Variants in KLHDC2 observed in about 807,000 individuals in gnomAD.
The protein encoded by KLHDC2 is kelch domain containing 2.
A neutral mutation model predicts 62.3 loss-of-function variants in KLHDC2; 38 were observed. The ratio of observed to expected loss-of-function variants is 0.61; its 90% CI spans 0.47 to 0.80. KLHDC2 has a LOEUF of 0.80. Among genes scored for constraint, KLHDC2 ranks in the 30% least tolerant of loss-of-function variants. KLHDC2 has a pLI of 0.00. For synonymous variants in KLHDC2, 159 were observed against 161.0 expected (o/e 0.99, Z 0.09); for missense variants, 430 against 495.3 (o/e 0.87, Z 1.25).
chr14:49,775,469 T>C (rs1177123970), intron 3 of KLHDC2, among the ~76,000 whole-genome samples: 1 of 152,170 alleles, frequency 6.6e-6, no homozygotes, highest in African/African-American at 2.4e-5. Context: ...AATAACTCAG[T>C]AAGTATTGTT....
chr14:49,782,198 T>C lies in KLHDC2; in HGVS notation c.957-172T>C, dbSNP rs1207644023. On this transcript the variant is annotated intron_variant, in intron 10 of 12. Coordinates refer to ENST00000298307, the MANE Select transcript of KLHDC2 (RefSeq NM_014315.3). ...GAAAATAATATCCAGATAAAATAGATATTGATTGATCTGCTTTTGCTACTT... is the reference window on the plus strand; with the variant it reads ...GAAAATAATATCCAGATAAAATAGACATTGATTGATCTGCTTTTGCTACTT... 3 of 544,446 alleles carry C rather than the reference T, an allele frequency of 5.5e-6. No homozygotes were observed. The African/African-American group carries it at 5.8e-5, about 11-fold the overall frequency. The allele number at this position is 544,446 out of a possible 1,614,324, so 33.7% of individuals were successfully genotyped here.
At position 49,782,923 on chromosome 14, in the gene KLHDC2, G is replaced by A; in HGVS notation, c.1191G>A (p.Arg397=). 1 of 1,613,478 alleles carries A rather than the reference G, an allele frequency of 6.2e-7. No homozygotes were observed. Among genetic ancestry groups the A allele is most frequent in the Non-Finnish European group, 8.5e-7 (1 of 1,179,708 alleles). Residue 397 remains arginine (R), a synonymous_variant, in exon 13 of 13, where the codon AGG becomes AGA. Transcript: ENST00000298307. ...ACTTACTTCACAGTGTTAATCAGAGGTTTGGTAGTAACAACACTTCTGGAT... is the reference window on the plus strand; with the variant it reads ...ACTTACTTCACAGTGTTAATCAGAGATTTGGTAGTAACAACACTTCTGGAT... The part of the protein sequence containing the change: ...PKHLLHSVNQ[R]FGSNNTSGS
At chr14:49,776,390 A>G (rs1452863176) in intron 3 of KLHDC2, among the ~76,000 whole-genome samples, 1 of 152,176 alleles carries the variant, frequency 6.6e-6, no homozygotes, top group Non-Finnish European at 1.5e-5. Flanking sequence ...GAAGTAAAAA[A>G]TATATAGTGG....
rs759519377 is a variant in KLHDC2 at position 49,785,279 on chromosome 14, T to A, written c.*2326T>A. The A allele has an allele frequency of 3.1e-6, 5 of 1,613,990 alleles. No individual in the cohort carries two copies. The highest frequency in any genetic ancestry group is 4.2e-6 in the Non-Finnish European group (5 of 1,179,868). The stretch of plus-strand genomic sequence containing the variant: ...TTGGAATGGCAAACAGTAGTACATC[T>A]TCAGGATGTGGCTGGCCTGTCAAAG... On this transcript the variant is annotated 3_prime_UTR_variant, in exon 13 of 13. Coordinates refer to ENST00000298307, the MANE Select transcript of KLHDC2 (RefSeq NM_014315.3).
At position 49,783,675 on chromosome 14, in the gene KLHDC2, T is replaced by C. The variant is rs1461329826; in HGVS notation, c.*722T>C. 6.6e-6 allele frequency: 1 copy of C among 151,876 alleles called. No individual in the cohort carries two copies. The highest frequency in any genetic ancestry group is 1.5e-5 in the Non-Finnish European group (1 of 67,884). 9.4% of individuals were successfully genotyped at this position (151,876 alleles called of 1,614,324 possible). ...AAAATGCGCTTCTGGTATTATAGGTTAAGATACTCTAACGTGCTATATTGG... is the reference window on the plus strand; with the variant it reads ...AAAATGCGCTTCTGGTATTATAGGTCAAGATACTCTAACGTGCTATATTGG... On this transcript the variant is annotated 3_prime_UTR_variant, in exon 13 of 13. Transcript: ENST00000298307.
intron 3 of KLHDC2, among the ~76,000 whole-genome samples, chr14:49,775,973 T>A (rs541901698): frequency 6.6e-6 from 1 of 152,240 alleles, no homozygotes; most frequent in Admixed American, 6.5e-5. Flanking sequence ...AATATGTGGC[T>A]GAGATGGTTT....
chr14:49,784,638 A>G lies in KLHDC2; in HGVS notation c.*1685A>G, dbSNP rs752399876. 8 of 1,604,436 alleles carry G rather than the reference A, an allele frequency of 5.0e-6. No homozygotes were observed. Among genetic ancestry groups the G allele is most frequent in the East Asian group, 4.5e-5 (2 of 44,766 alleles). ...AATATTTTAGAATTTCATTTCAGCTATTTCCTTTTTACGTTCAGAAGATTG... is the reference window on the plus strand; with the variant it reads ...AATATTTTAGAATTTCATTTCAGCTGTTTCCTTTTTACGTTCAGAAGATTG... On this transcript the variant is annotated 3_prime_UTR_variant, in exon 13 of 13. Transcript: ENST00000298307.
intron 6 of KLHDC2, 103 bp downstream of exon 6, chr14:49,778,597 G>A: frequency 1.6e-6 from 1 of 610,834 alleles, no homozygotes; most frequent in Non-Finnish European, 2.9e-6. Context: ...TACTGTGAAA[G>A]TGACAGTTCA....
At chr14:49,780,050 C>CAA (rs2139800463) in intron 8 of KLHDC2, 163 bp from the exon 9 acceptor site, 2 of 623,126 alleles carry the variant, frequency 3.2e-6, no homozygotes, top group East Asian at 5.5e-5. Context: ...ATTCTAACGT[C>CAA]AAAGAAAATA....
At chr14:49,781,410 A>G (rs1210861881) in intron 10 of KLHDC2, among the ~76,000 whole-genome samples, 2 of 149,978 alleles carry the variant, frequency 1.3e-5, no homozygotes, top group African/African-American at 4.9e-5. Flanking sequence ...TGGAATGGGT[A>G]AAATGTTTAA....
chr14:49,773,570 CTTT>C (rs569284056), intron 2 of KLHDC2, among the ~76,000 whole-genome samples: 13 of 74,134 alleles, frequency 1.8e-4, no homozygotes, highest in African/African-American at 2.1e-4. Flanking sequence ...AAAATAATAA[CTTT>C]TTTTTTTTTT....
intron 2 of KLHDC2, among the ~76,000 whole-genome samples, chr14:49,774,094 G>A (rs1403284245): frequency 1.3e-5 from 2 of 152,178 alleles, no homozygotes; most frequent in East Asian, 3.8e-4. Flanking sequence ...CTACCTGTTT[G>A]TAGTGTTACA....
At chr14:49,772,635 T>C (rs1430867972) in intron 2 of KLHDC2, among the ~76,000 whole-genome samples, 1 of 152,238 alleles carries the variant, frequency 6.6e-6, no homozygotes, top group Non-Finnish European at 1.5e-5. Context: ...TTACTTACTG[T>C]AGATCTCAGA....
intron 12 of KLHDC2, 54 bp downstream of exon 12, chr14:49,782,648 CTT>C (rs768939657): frequency 5.5e-6 from 8 of 1,459,832 alleles, no homozygotes; most frequent in Middle Eastern, 2.4e-4. Flanking sequence ...TTTCCTAAGA[CTT>C]AGCACTCTCG....
chr14:49,785,096 T>C lies in KLHDC2; in HGVS notation c.*2143T>C. 1 of 1,606,254 alleles carries C rather than the reference T, an allele frequency of 6.2e-7. No homozygotes were observed. The highest frequency in any genetic ancestry group is 1.1e-5 in the South Asian group (1 of 90,928). ...CAAAAAAACAAATTTAAATACCTTT[T>C]CCCTTTTTCTGCACTCCAGGAGTAA... On this transcript the variant is annotated 3_prime_UTR_variant, in exon 13 of 13. Coordinates refer to ENST00000298307, the MANE Select transcript of KLHDC2 (RefSeq NM_014315.3).
At chr14:49,780,171 T>A in intron 8 of KLHDC2, 42 bp from the exon 9 acceptor site, 1 of 1,211,644 alleles carries the variant, frequency 8.3e-7, no homozygotes, top group Non-Finnish European at 1.2e-6. Context: ...ATACAGTAGC[T>A]GCTTCTAAAT....
Position 49,784,953 on chromosome 14 carries a change from C to T in KLHDC2, c.*2000C>T. 6.2e-7 allele frequency: 1 copy of T among 1,613,874 alleles called. No individual in the cohort carries two copies. The highest frequency in any genetic ancestry group is 8.5e-7 in the Non-Finnish European group (1 of 1,179,906). ...TACGCTGCGGAATAAGTCTTTTTCT[C>T]TTGCTGTTGCTTCTTTGGAATGCAT... On this transcript the variant is annotated 3_prime_UTR_variant, in exon 13 of 13. Coordinates refer to ENST00000298307, the MANE Select transcript of KLHDC2 (RefSeq NM_014315.3).
At chr14:49,779,240 A>AGG (rs1889836643) in intron 6 of KLHDC2, among the ~76,000 whole-genome samples, 2 of 152,150 alleles carry the variant, frequency 1.3e-5, no homozygotes, top group Non-Finnish European at 2.9e-5. Flanking sequence ...ACTCTGCACT[A>AGG]TACTGCAATT....
chr14:49,779,768 T>G lies in KLHDC2; in HGVS notation c.735T>G (p.Leu245=). 1 of 1,610,368 alleles carries G rather than the reference T, an allele frequency of 6.2e-7. No individual in the cohort carries two copies. The highest frequency in any genetic ancestry group is 8.5e-7 in the Non-Finnish European group (1 of 1,177,518). ...TTTAGGATGCTAGAATGAATGATCTTCACTATCTTAATCTGGATACATGGG... is the reference window on the plus strand; with the variant it reads ...TTTAGGATGCTAGAATGAATGATCTGCACTATCTTAATCTGGATACATGGG... ...GRYRDARMND[L]HYLNLDTWEW... is the part of the protein sequence containing the mutation. Residue 245 remains leucine, a synonymous_variant, in exon 8 of 13, where the codon CTT becomes CTG. Transcript: ENST00000298307.
Sources: gnomAD v4.1 joint callset for allele counts (sites outside exome capture counted in the v4.1 genomes callset) on GRCh38, gnomAD v4.1.1 for gene constraint, MANE v1.5 for transcripts, NCBI Gene and HGNC (gene_info 2026-07-23, HGNC 2026-07-21) for gene names.